Variants in LSAMP observed in about 807,000 individuals in gnomAD.
The protein encoded by LSAMP is limbic system-associated membrane protein.
Under a neutral mutation model 38.6 loss-of-function variants are expected in LSAMP, and 7 were observed. The observed-to-expected ratio is 0.18, with a 90% CI of 0.10 to 0.34. LSAMP has a LOEUF of 0.34. Among genes scored for constraint, LSAMP ranks in the 10% least tolerant of loss-of-function variants. LSAMP has a pLI of 1.00. For missense variants in LSAMP, 313 were observed against 420.0 expected, an observed-to-expected ratio of 0.75 and a Z score of 2.23; for synonymous variants, 154 against 166.8, an observed-to-expected ratio of 0.92 and a Z score of 0.59.
At chr3:116,000,720 G>C (rs568627097) in intron 3 of LSAMP, among the ~76,000 whole-genome samples, 4 of 152,240 alleles carry the variant, frequency 2.6e-5, no homozygotes, top group African/African-American at 9.6e-5. Context: ...CAATAAAAAT[G>C]TTGTATCTGT....
intron 1 of LSAMP, among the ~76,000 whole-genome samples, chr3:116,152,600 A>G (rs1426335594): frequency 6.6e-6 from 1 of 152,140 alleles, no homozygotes; most frequent in African/African-American, 2.4e-5. Context: ...ATTAATAAAT[A>G]TTTAATGAGC....
At chr3:116,433,653 AG>A (rs2049310295) in intron 1 of LSAMP, among the ~76,000 whole-genome samples, 1 of 152,226 alleles carries the variant, frequency 6.6e-6, no homozygotes, top group African/African-American at 2.4e-5. Context: ...TCATTTCAAA[AG>A]AAACTAGAAT....
At chr3:116,428,497 A>T (rs2049234713) in intron 1 of LSAMP, among the ~76,000 whole-genome samples, 1 of 152,314 alleles carries the variant, frequency 6.6e-6, no homozygotes, top group Admixed American at 6.5e-5. Flanking sequence ...TCCACTTTTT[A>T]AAAAACCTAC....
At chr3:116,156,605 CTG>C (rs1402934651) in intron 1 of LSAMP, among the ~76,000 whole-genome samples, 3 of 152,064 alleles carry the variant, frequency 2.0e-5, no homozygotes, top group African/African-American at 4.8e-5. Context: ...TACATTTTTT[CTG>C]TGTCTCAATA....
intron 6 of LSAMP, among the ~76,000 whole-genome samples, chr3:115,827,497 A>G (rs976814191): frequency 1.3e-5 from 2 of 152,188 alleles, no homozygotes; most frequent in East Asian, 1.9e-4. Context: ...AAGTAGAATG[A>G]ACTATTAGCT....
At chr3:116,106,536 A>C (rs1708471796) in intron 1 of LSAMP, among the ~76,000 whole-genome samples, 1 of 152,148 alleles carries the variant, frequency 6.6e-6, no homozygotes, top group Non-Finnish European at 1.5e-5. Flanking sequence ...GTCCTTTTTA[A>C]GTTGGTGGCT....
At chr3:116,098,237 G>A (rs541307021) in intron 1 of LSAMP, among the ~76,000 whole-genome samples, 16 of 151,744 alleles carry the variant, frequency 1.1e-4, no homozygotes, top group African/African-American at 3.6e-4. Flanking sequence ...AGTGGCTCAC[G>A]TCTGTAATCC....
chr3:115,816,609 C>A lies in LSAMP; in HGVS notation c.920-6195G>T, dbSNP rs562245911. 7.0e-6 allele frequency: 9 copies of A among 1,286,292 alleles called. No homozygotes were observed. The East Asian group carries it at 1.7e-4, about 24-fold the overall frequency. 79.7% of individuals were successfully genotyped at this position (1,286,292 alleles called of 1,614,324 possible). A position where few individuals can be genotyped will look rare whatever the true frequency, so the allele number is the denominator to read the frequency against. ...ATGGAAGGTAACCAAAAATAAGAAC[C>A]ATACCTTTTTGCTTGAAGTGCACGG... On this transcript the variant is annotated intron_variant, in intron 6 of 6. Transcript: ENST00000490035.
At chr3:116,329,200 T>C (rs751606076) in intron 1 of LSAMP, among the ~76,000 whole-genome samples, 4 of 152,186 alleles carry the variant, frequency 2.6e-5, no homozygotes, top group Non-Finnish European at 4.4e-5. Flanking sequence ...TGAATGCACA[T>C]ATTCTAATCC....
intron 3 of LSAMP, among the ~76,000 whole-genome samples, chr3:115,869,256 C>G (rs1005831910): frequency 4.8e-5 from 6 of 126,238 alleles, no homozygotes; most frequent in Non-Finnish European, 6.8e-5. Context: ...TTCATAACCT[C>G]TATCTTGGAG....
intron 1 of LSAMP, among the ~76,000 whole-genome samples, chr3:116,298,214 C>A (rs538591300): frequency 2.6e-5 from 4 of 152,252 alleles, no homozygotes; most frequent in East Asian, 1.9e-4. Flanking sequence ...GCTAAAGAAA[C>A]CTTCTGTCTA....
chr3:116,067,694 G>A (rs1303334323), intron 2 of LSAMP, among the ~76,000 whole-genome samples: 3 of 152,052 alleles, frequency 2.0e-5, no homozygotes, highest in Non-Finnish European at 4.4e-5. Flanking sequence ...TTAAGGTGAT[G>A]TAATAAGCTC....
At chr3:115,850,984 T>TC (rs1935312924) in intron 4 of LSAMP, among the ~76,000 whole-genome samples, 1 of 152,114 alleles carries the variant, frequency 6.6e-6, no homozygotes, top group African/African-American at 2.4e-5. Flanking sequence ...TCTCTCTTTT[T>TC]TATTTTGAGA....
chr3:115,804,447 C>T lies in LSAMP; in HGVS notation c.*5870G>A, dbSNP rs534656854. 3.3e-5 allele frequency: 5 copies of T among 152,300 alleles called. No individual in the cohort carries two copies. The highest frequency in any genetic ancestry group is 5.9e-5 in the Non-Finnish European group (4 of 68,008). 9.4% of individuals were successfully genotyped at this position (152,300 alleles called of 1,614,324 possible). Reference sequence around the variant, plus strand: ...GAACTTGGGGTTAGAACCCAATTCTCCTGACTCCCAATTCAATACACCTTC... The same window carrying T: ...GAACTTGGGGTTAGAACCCAATTCTTCTGACTCCCAATTCAATACACCTTC... On this transcript the variant is annotated 3_prime_UTR_variant, in exon 7 of 7. Coordinates refer to ENST00000490035, the MANE Select transcript of LSAMP (RefSeq NM_002338.5).
chr3:116,239,325 G>C (rs1357329975), intron 1 of LSAMP, among the ~76,000 whole-genome samples: 1 of 152,084 alleles, frequency 6.6e-6, no homozygotes, highest in Non-Finnish European at 1.5e-5. Flanking sequence ...AACTAAAGTG[G>C]CTTCCTGACT....
chr3:116,151,846 G>A (rs1356209797), intron 1 of LSAMP, among the ~76,000 whole-genome samples: 3 of 151,984 alleles, frequency 2.0e-5, no homozygotes, highest in Admixed American at 1.3e-4. Context: ...CTCAATACAC[G>A]AAGAGGGTTG....
chr3:115,878,453 CTTTTTTTTTTTT>C (rs3087024), intron 3 of LSAMP, among the ~76,000 whole-genome samples: 9 of 55,540 alleles, frequency 1.6e-4, no homozygotes, highest in Middle Eastern at 0.014. Context: ...ACATGCTATT[CTTTTTTTTTTTT>C]TTTTTTTTTT....
chr3:116,037,831 A>C (rs1440358085), intron 2 of LSAMP, among the ~76,000 whole-genome samples: 1 of 152,048 alleles, frequency 6.6e-6, no homozygotes, highest in African/African-American at 2.4e-5. Context: ...ATATATCAGT[A>C]ATGTCCTATA....
chr3:116,163,714 T>C (rs1709958959), intron 1 of LSAMP, among the ~76,000 whole-genome samples: 1 of 151,972 alleles, frequency 6.6e-6, no homozygotes, highest in Non-Finnish European at 1.5e-5. Context: ...GTGTTCCTAT[T>C]TCTCCACATC....
Sources: gnomAD v4.1 joint callset for allele counts (sites outside exome capture counted in the v4.1 genomes callset) on GRCh38, gnomAD v4.1.1 for gene constraint, MANE v1.5 for transcripts, NCBI Gene and HGNC (gene_info 2026-07-23, HGNC 2026-07-21) for gene names.